Variants in ANXA9 observed in about 807,000 individuals in gnomAD.
ANXA9 encodes the protein annexin A9.
A neutral mutation model predicts 51.8 loss-of-function variants in ANXA9; 47 were observed. The observed-to-expected ratio is 0.91, with a 90% CI of 0.72 to 1.16. The LOEUF (loss-of-function observed/expected upper bound fraction) is 1.16, where lower values mean the gene tolerates loss of function less well. Ranked by LOEUF, ANXA9 falls within the 50% of genes most tolerant of loss-of-function variation. The probability of loss-of-function intolerance (pLI) is 0.00; values close to 1 mark genes in which losing one functional copy is unlikely to be tolerated. For missense variants in ANXA9, 361 were observed against 424.7 expected, an observed-to-expected ratio of 0.85 and a Z score of 1.32; for synonymous variants, 154 against 168.7, an observed-to-expected ratio of 0.91 and a Z score of 0.68.
rs768497422 is a variant in ANXA9 at position 150,994,679 on chromosome 1, T to C, written c.955T>C (p.Ser319Pro). 9.9e-6 allele frequency: 16 copies of C among 1,614,034 alleles called. No individual in the cohort carries two copies. The highest frequency in any genetic ancestry group is 1.6e-4 in the Middle Eastern group (1 of 6,062). Residue 319 changes from serine to proline, a missense_variant, in exon 13 of 14, where the codon TCC becomes CCC. Transcript: ENST00000368947. The stretch of plus-strand genomic sequence containing the variant: ...TGAGTTCAGGAAGAAATTTGGGAAG[T>C]CCCTCTACTCTTCTCTCCAGGTGAA... ...RAEFRKKFGK[S>P]LYSSLQDAVK... is the part of the protein sequence containing the mutation.
chr1:150,995,583 C>G lies in ANXA9; in HGVS notation c.*261C>G. ...TTGATAGTTTCTGCCTCACTCATCC[C>G]TCCTGTACCCTGGCCAGAACATCTC... is the stretch of plus-strand genomic sequence containing the variant. On this transcript the variant is annotated 3_prime_UTR_variant, in exon 14 of 14. Transcript: ENST00000368947. 1 of 392,032 alleles carries G rather than the reference C, an allele frequency of 2.6e-6. No individual in the cohort carries two copies. The highest frequency in any genetic ancestry group is 4.7e-5 in the Admixed American group (1 of 21,416). 24.3% of individuals were successfully genotyped at this position (392,032 alleles called of 1,614,324 possible).
chr1:150,987,374 TCTCTCTCACA>T (rs1282330553), intron 9 of ANXA9, among the ~76,000 whole-genome samples: 13 of 59,134 alleles, frequency 2.2e-4, no homozygotes, highest in East Asian at 9.2e-4. Flanking sequence ...TCTCTCTCTC[TCTCTCTCACA>T]CACACACACA....
At chr1:150,979,329 C>G (rs1671378807), upstream of ANXA9, among the ~76,000 whole-genome samples, 2 of 151,968 alleles carry the variant, frequency 1.3e-5, no homozygotes, top group Admixed American at 1.3e-4. Flanking sequence ...TCGGTTCTCC[C>G]TAAATCTGCT....
At chr1:150,984,731 C>A in intron 7 of ANXA9, 55 bp downstream of exon 7, 3 of 1,454,730 alleles carry the variant, frequency 2.1e-6, no homozygotes, top group Non-Finnish European at 2.9e-6. Context: ...GTAGGACAGG[C>A]CACTCCTCTC....
chr1:150,985,851 GC>G (rs1671543081), intron 7 of ANXA9, among the ~76,000 whole-genome samples: 1 of 152,180 alleles, frequency 6.6e-6, no homozygotes, highest in African/African-American at 2.4e-5. Flanking sequence ...ACAAGCATGA[GC>G]CACCGCCCTG....
intron 12 of ANXA9, among the ~76,000 whole-genome samples, chr1:150,993,995 T>C (rs1671772239): frequency 6.6e-6 from 1 of 152,132 alleles, no homozygotes; most frequent in Non-Finnish European, 1.5e-5. Flanking sequence ...CTGCTGCATG[T>C]ACAGGAGGAA....
At position 150,994,630 on chromosome 1, in the gene ANXA9, G is replaced by A. The variant is rs1433271618; in HGVS notation, c.906G>A (p.Glu302=). Residue 302 remains glutamate, a synonymous_variant, in exon 13 of 14, where the codon GAG becomes GAA. Coordinates refer to ENST00000368947, the MANE Select transcript of ANXA9 (RefSeq NM_003568.3). The part of the protein sequence containing the change: ...VLIRILISRC[E]TDLLSIRAEF... ...TTCGCATCCTTATCTCTCGATGTGA[G>A]ACTGACCTTCTGAGTATCAGAGCTG... The A allele has an allele frequency of 1.2e-6, 2 of 1,614,084 alleles. No homozygotes were observed. Among genetic ancestry groups the A allele is most frequent in the South Asian group, 1.1e-5 (1 of 91,070 alleles).
At chr1:150,983,031 T>G in intron 2 of ANXA9, 59 bp from the exon 3 acceptor site, 3 of 1,342,904 alleles carry the variant, frequency 2.2e-6, no homozygotes, top group Non-Finnish European at 3.1e-6. Flanking sequence ...GGGGGGGTCA[T>G]AAGGAGTCCC....
rs1299843162 is a variant in ANXA9 at position 150,995,243 on chromosome 1, A to G, written c.976-17A>G. On this transcript the variant is annotated splice_polypyrimidine_tract_variant and intron_variant, in intron 13 of 13. Coordinates refer to ENST00000368947, the MANE Select transcript of ANXA9 (RefSeq NM_003568.3). Reference sequence around the variant, plus strand: ...GTGGTGGTGGATCTTTCTAACACTGAATTCCCTTGTCTGCAGGATGCAGTG... The same window carrying G: ...GTGGTGGTGGATCTTTCTAACACTGGATTCCCTTGTCTGCAGGATGCAGTG... The G allele has an allele frequency of 6.2e-7, 1 of 1,607,166 alleles. No individual in the cohort carries two copies. The highest frequency in any genetic ancestry group is 8.5e-7 in the Non-Finnish European group (1 of 1,176,338).
Position 150,994,693 on chromosome 1 carries a change from T to C in ANXA9, c.969T>C (p.Ser323=), listed in dbSNP as rs770097630. 3.7e-6 allele frequency: 6 copies of C among 1,613,840 alleles called. No homozygotes were observed. In the Admixed American group the frequency reaches 1.0e-4, roughly 27 times the overall value. Residue 323 remains serine, a synonymous_variant, in exon 13 of 14, where the codon TCT becomes TCC. Coordinates refer to ENST00000368947, the MANE Select transcript of ANXA9 (RefSeq NM_003568.3). ...AATTTGGGAAGTCCCTCTACTCTTC[T>C]CTCCAGGTGAAACTTGGCTACTTCT... ...RKKFGKSLYS[S]LQDAVKGDCQ... is the part of the protein sequence containing the mutation.
chr1:150,992,840 A>G (rs1287235385), intron 12 of ANXA9, among the ~76,000 whole-genome samples: 4 of 152,150 alleles, frequency 2.6e-5, no homozygotes, highest in African/African-American at 9.6e-5. Flanking sequence ...TCAGTTAATG[A>G]GTGACTCTTG....
At chr1:150,994,782 T>C in intron 13 of ANXA9, 83 bp downstream of exon 13, 1 of 1,565,512 alleles carries the variant, frequency 6.4e-7, no homozygotes, top group South Asian at 1.2e-5. Context: ...CAGCTGAGCA[T>C]ATTCTTGCCC....
At chr1:150,984,172 C>A in intron 5 of ANXA9, 103 bp downstream of exon 5, 2 of 1,517,006 alleles carry the variant, frequency 1.3e-6, no homozygotes, top group Non-Finnish European at 1.8e-6. Flanking sequence ...TGCTTCCTGG[C>A]TAAACAGGGC....
At position 150,983,448 on chromosome 1, in the gene ANXA9, C is replaced by A. The variant is rs1407906362; in HGVS notation, c.172+14C>A. On this transcript the variant is annotated intron_variant, in intron 4 of 13. Coordinates refer to ENST00000368947, the MANE Select transcript of ANXA9 (RefSeq NM_003568.3). ...TTACTGGCCAAGGTGAGCCCCTTTC[C>A]CCCGGCACTTGAGACTGCCTTTTAG... 1.9e-6 allele frequency: 3 copies of A among 1,597,876 alleles called. No homozygotes were observed. The highest frequency in any genetic ancestry group is 2.6e-6 in the Non-Finnish European group (3 of 1,171,790).
In ANXA9 at chr1:150,983,009, G is replaced by A. The variant is rs1671448529; in HGVS notation, c.-16-81G>A. 5.0e-6 allele frequency: 5 copies of A among 1,005,634 alleles called. No individual in the cohort carries two copies. In the South Asian group the frequency reaches 6.0e-5, roughly 12 times the overall value. 62.3% of individuals were successfully genotyped at this position (1,005,634 alleles called of 1,614,324 possible). Reference sequence around the variant, plus strand: ...AAGGAACAGGTGACTGGAACCCAGGGTCCAGGGTCTCGGGGGGGTCATAAG... The same window carrying A: ...AAGGAACAGGTGACTGGAACCCAGGATCCAGGGTCTCGGGGGGGTCATAAG... On this transcript the variant is annotated intron_variant, in intron 2 of 13. Coordinates refer to ENST00000368947, the MANE Select transcript of ANXA9 (RefSeq NM_003568.3).
At chr1:150,985,190 TCACACACACACA>T (rs768559320) in intron 7 of ANXA9, among the ~76,000 whole-genome samples, 2 of 146,946 alleles carry the variant, frequency 1.4e-5, no homozygotes, top group Non-Finnish European at 3.0e-5. Context: ...TCTCTCTCTC[TCACACACACACA>T]CACACACACA....
Position 150,986,597 on chromosome 1 carries a change from C to T in ANXA9, c.553-5C>T. On this transcript the variant is annotated splice_polypyrimidine_tract_variant and splice_region_variant and intron_variant, in intron 8 of 13. Transcript: ENST00000368947. ...GAGCCCTCTAAGAACAGTTTCTCCT[C>T]CTAGGGGGGCCGTGACAGCTACTCT... The T allele has an allele frequency of 2.5e-6, 4 of 1,607,616 alleles. No homozygotes were observed. Among genetic ancestry groups the T allele is most frequent in the South Asian group, 1.1e-5 (1 of 90,128 alleles).
rs587631783 is a variant in ANXA9, at chr1:150,991,300, G to A, written c.852+2959G>A. ...CGACCAGGCTGGAGTGCAGTGGCGC[G>A]ATCTCGGCTCATTGCAACCTCCGCC... On this transcript the variant is annotated intron_variant, in intron 12 of 13. Transcript: ENST00000368947. 1.6e-3 allele frequency among the ~76,000 whole-genome samples: 242 copies of A among 151,310 alleles called. 3 individuals are homozygous for A. Among genetic ancestry groups the A allele is most frequent in the South Asian group, 2.1e-3 (10 of 4,768 alleles).
At chr1:150,984,464 C>A in intron 6 of ANXA9, 70 bp downstream of exon 6, 3 of 1,559,538 alleles carry the variant, frequency 1.9e-6, no homozygotes, top group Non-Finnish European at 2.7e-6. Flanking sequence ...TTTTGCAAGA[C>A]GAGAGTCCCC....
Sources: allele counts gnomAD v4.1 joint callset (sites outside exome capture counted in the v4.1 genomes callset), GRCh38; gene constraint gnomAD v4.1.1; transcripts MANE v1.5; gene names NCBI Gene and HGNC (gene_info 2026-07-23, HGNC 2026-07-21).